The following AJAP1 variants were observed in gnomAD, a reference collection of about 807,000 sequenced individuals.
The protein encoded by AJAP1 is adherens junctions associated protein 1.
Under a neutral mutation model 35.0 loss-of-function variants are expected in AJAP1, and 5 were observed. The observed-to-expected ratio is 0.14, with a 90% CI of 0.07 to 0.30. AJAP1 has a LOEUF of 0.30. AJAP1 is among the 10% of genes least tolerant of loss of function. The pLI is 1.00. For missense variants in AJAP1, 586 were observed against 571.0 expected (o/e 1.03, Z -0.27); for synonymous variants, 284 against 249.3 (o/e 1.14, Z -1.31).
At chr1:4,698,205 A>C (rs1391012916) in intron 1 of AJAP1, among the ~76,000 whole-genome samples, 2 of 152,046 alleles carry the variant, frequency 1.3e-5, no homozygotes, top group African/African-American at 4.8e-5. Context: ...GCTCGTCACC[A>C]TGAATGTGGA....
At chr1:4,767,937 T>C (rs909594806) in intron 2 of AJAP1, among the ~76,000 whole-genome samples, 2 of 152,162 alleles carry the variant, frequency 1.3e-5, no homozygotes, top group African/African-American at 2.4e-5. Flanking sequence ...GAGGTCTGAG[T>C]TGGGTCTCAG....
intron 2 of AJAP1, among the ~76,000 whole-genome samples, chr1:4,740,990 A>G (rs1641055984): frequency 6.6e-6 from 1 of 152,070 alleles, no homozygotes; most frequent in South Asian, 2.1e-4. Context: ...AATGTTGTGC[A>G]GCAGAGGAGC....
chr1:4,722,012 T>G (rs1640528739), intron 2 of AJAP1, among the ~76,000 whole-genome samples: 1 of 152,082 alleles, frequency 6.6e-6, no homozygotes. Context: ...GCTGAGGTGG[T>G]CAAAGGCTGG....
intron 2 of AJAP1, among the ~76,000 whole-genome samples, chr1:4,738,444 G>C (rs986367658): frequency 6.6e-6 from 1 of 152,232 alleles, no homozygotes; most frequent in Non-Finnish European, 1.5e-5. Context: ...GGGGGTAGCT[G>C]GTCTGGAGCT....
At chr1:4,713,210 G>A (rs1043388154) in intron 2 of AJAP1, among the ~76,000 whole-genome samples, 1 of 152,222 alleles carries the variant, frequency 6.6e-6, no homozygotes, top group Non-Finnish European at 1.5e-5. Context: ...CTCGGTAGAG[G>A]ATTAGGAATG....
chr1:4,688,771 C>CAAAA (rs5772177), intron 1 of AJAP1, among the ~76,000 whole-genome samples: 23 of 87,780 alleles, frequency 2.6e-4, no homozygotes, highest in East Asian at 6.5e-4. Context: ...GACTCCGTCT[C>CAAAA]AAAAAAAAAA....
chr1:4,678,383 A>G (rs2071994), intron 1 of AJAP1, among the ~76,000 whole-genome samples: 6,479 of 152,306 alleles, frequency 0.043, 180 homozygotes, highest in South Asian at 0.075. Context: ...TCTGGGCACA[A>G]CTTAGTTGGG....
At position 4,787,461 on chromosome 1, in the gene AJAP1, G is replaced by A. The variant is rs1455113786; in HGVS notation, c.*4976G>A. 1 of 298,684 alleles carries A rather than the reference G, an allele frequency of 3.3e-6. No homozygotes were observed. Among genetic ancestry groups the A allele is most frequent in the Non-Finnish European group, 6.7e-6 (1 of 149,944 alleles). The allele number at this position is 298,684 out of a possible 1,614,324, so 18.5% of individuals were successfully genotyped here. A position where few individuals can be genotyped will look rare whatever the true frequency, so the allele number is the denominator to read the frequency against. On this transcript the variant is annotated 3_prime_UTR_variant, in exon 6 of 6. Transcript: ENST00000378191. The stretch of plus-strand genomic sequence containing the variant: ...CACTTGCTGCTTGAGGGTTGGTCTG[G>A]TGTTGGATGGAGGAAGAAGGCCTTA...
chr1:4,713,824 C>T (rs1640325888), intron 2 of AJAP1, among the ~76,000 whole-genome samples: 1 of 152,254 alleles, frequency 6.6e-6, no homozygotes, highest in Admixed American at 6.5e-5. Context: ...CTCCTCACAG[C>T]TTGCTTTCCA....
intron 2 of AJAP1, among the ~76,000 whole-genome samples, chr1:4,729,500 G>T (rs140393485): frequency 7.7e-6 from 1 of 129,822 alleles, no homozygotes; most frequent in Non-Finnish European, 1.7e-5. Flanking sequence ...ACAGTTGCTC[G>T]TTGAAGTATG....
chr1:4,737,484 C>A (rs562300013), intron 2 of AJAP1, among the ~76,000 whole-genome samples: 4 of 151,698 alleles, frequency 2.6e-5, no homozygotes, highest in South Asian at 4.2e-4. Context: ...GAGACGGGAG[C>A]CCCCCCGAGA....
chr1:4,735,484 C>T (rs1640900623), intron 2 of AJAP1, among the ~76,000 whole-genome samples: 1 of 152,198 alleles, frequency 6.6e-6, no homozygotes, highest in Non-Finnish European at 1.5e-5. Flanking sequence ...AGGCTCAGCA[C>T]CCACTGCACC....
At chr1:4,722,367 C>A (rs1041398260) in intron 2 of AJAP1, among the ~76,000 whole-genome samples, 6 of 152,186 alleles carry the variant, frequency 3.9e-5, no homozygotes, top group African/African-American at 7.2e-5. Context: ...GGACCTGTGG[C>A]GTCCATACCT....
chr1:4,774,791 T>C (rs397852), intron 5 of AJAP1, among the ~76,000 whole-genome samples: 120,968 of 151,970 alleles, frequency 0.8, 48,501 homozygotes, highest in Middle Eastern at 0.83. Context: ...CAGACATTCA[T>C]GCACCCTGAT....
rs186220649 is a variant in AJAP1, at chr1:4,692,749, C to T, written c.30-19151C>T. Among the ~76,000 whole-genome samples, 174 of 152,354 alleles carry T rather than the reference C, an allele frequency of 1.1e-3. No homozygotes were observed. The highest frequency in any genetic ancestry group is 4.0e-3 in the African/African-American group (165 of 41,586). ...TGAAGCCACCCTGGCACTCTGCTGT[C>T]CTCCCTCCAGGTCTTGTCAGCTGAA... On this transcript the variant is annotated intron_variant, in intron 1 of 5. Coordinates refer to ENST00000378191, the MANE Select transcript of AJAP1 (RefSeq NM_018836.4). This position sits in a 1 kb window ranked among gnomAD's most constrained non-coding sequence, Gnocchi z 4.4.
intron 1 of AJAP1, among the ~76,000 whole-genome samples, chr1:4,672,351 C>T (rs1051749216): frequency 6.6e-6 from 1 of 152,196 alleles, no homozygotes; most frequent in African/African-American, 2.4e-5. Flanking sequence ...GAGACACAGC[C>T]AGGTACTTTC....
At chr1:4,774,389 T>G (rs1274839631) in intron 4 of AJAP1, 38 bp from the exon 5 acceptor site, 5 of 1,597,504 alleles carry the variant, frequency 3.1e-6, no homozygotes, top group East Asian at 2.2e-5. Flanking sequence ...CATGGTCAAG[T>G]ACCAGCACGC....
At chr1:4,765,286 A>G (rs1355098432) in intron 2 of AJAP1, among the ~76,000 whole-genome samples, 1 of 152,222 alleles carries the variant, frequency 6.6e-6, no homozygotes, top group Admixed American at 6.5e-5. Flanking sequence ...CCTTGGGGGC[A>G]TAGAGAGTGT....
chr1:4,757,502 A>T (rs1432287766), intron 2 of AJAP1, among the ~76,000 whole-genome samples: 1 of 152,212 alleles, frequency 6.6e-6, no homozygotes, highest in Admixed American at 6.5e-5. Context: ...GGCCCAGCCC[A>T]CAGACAACTG....
Sources: allele counts gnomAD v4.1 joint callset (sites outside exome capture counted in the v4.1 genomes callset), GRCh38; gene constraint gnomAD v4.1.1; non-coding constraint Gnocchi (gnomAD v3.1); transcripts MANE v1.5; gene names NCBI Gene and HGNC (gene_info 2026-07-23, HGNC 2026-07-21).